Variants in MED27 observed in about 807,000 individuals in gnomAD.
MED27 encodes the protein mediator complex subunit 27, also known as mediator of RNA polymerase II transcription subunit 27.
In MED27, 30 loss-of-function variants were observed where a neutral mutation model predicts 38.2. The observed-to-expected ratio is 0.79, with a 90% CI of 0.59 to 1.07. MED27 has a LOEUF of 1.07. Among genes scored for constraint, MED27 ranks in the 50% least tolerant of loss-of-function variants. The pLI, the probability that MED27 is intolerant of heterozygous loss-of-function variation, is 0.00. For missense variants in MED27, 289 were observed against 397.5 expected (o/e 0.73, Z 2.32); for synonymous variants, 122 against 153.5 (o/e 0.79, Z 1.52).
chr9:132,002,807 C>T (rs1328204297), intron 3 of MED27, among the ~76,000 whole-genome samples: 1 of 151,098 alleles, frequency 6.6e-6, no homozygotes, highest in Non-Finnish European at 1.5e-5. Context: ...CCCAGCTACT[C>T]CAGAGGGTGA....
intron 2 of MED27, among the ~76,000 whole-genome samples, chr9:132,070,056 T>C (rs1833902059): frequency 6.6e-6 from 1 of 152,238 alleles, no homozygotes; most frequent in South Asian, 2.1e-4. Flanking sequence ...TGGAAGCTAC[T>C]GTTATCCACA....
intron 2 of MED27, among the ~76,000 whole-genome samples, chr9:132,053,414 G>C (rs77532946): frequency 1.3e-5 from 2 of 152,110 alleles, no homozygotes; most frequent in South Asian, 4.2e-4. Context: ...GGGAGAAAGA[G>C]ATTTGGGTAC....
intron 4 of MED27, among the ~76,000 whole-genome samples, chr9:131,908,350 C>T (rs915266315): frequency 2.3e-4 from 35 of 152,320 alleles, no homozygotes; most frequent in African/African-American, 8.2e-4. Flanking sequence ...GCCCCTCTGC[C>T]CGGCCACCAC....
At chr9:132,071,745 T>C (rs1166238181) in intron 2 of MED27, among the ~76,000 whole-genome samples, 2 of 150,978 alleles carry the variant, frequency 1.3e-5, no homozygotes, top group Admixed American at 6.6e-5. Flanking sequence ...TGCACGTCCA[T>C]GAACGAGCAC....
chr9:131,936,452 G>A (rs1489087140), intron 4 of MED27, among the ~76,000 whole-genome samples: 1 of 152,208 alleles, frequency 6.6e-6, no homozygotes, highest in Non-Finnish European at 1.5e-5. Flanking sequence ...CAGACGGCTG[G>A]TTCCTCTAGG....
At chr9:131,941,612 A>G (rs1665043661) in intron 3 of MED27, among the ~76,000 whole-genome samples, 1 of 152,072 alleles carries the variant, frequency 6.6e-6, no homozygotes, top group South Asian at 2.1e-4. Context: ...GTGGAGGTGC[A>G]CTGAAGGGTA....
At chr9:131,954,012 C>T (rs1831047653) in intron 3 of MED27, among the ~76,000 whole-genome samples, 1 of 152,110 alleles carries the variant, frequency 6.6e-6, no homozygotes, top group African/African-American at 2.4e-5. Context: ...CCATGTTGGC[C>T]AGGCTGGTCT....
intron 3 of MED27, among the ~76,000 whole-genome samples, chr9:131,993,085 T>G (rs955931629): frequency 3.9e-5 from 6 of 152,224 alleles, no homozygotes; most frequent in African/African-American, 1.2e-4. Flanking sequence ...GCATCTTTAT[T>G]TTCATATGCA....
chr9:132,031,669 TC>T (rs1372743664), intron 2 of MED27, among the ~76,000 whole-genome samples: 4 of 152,138 alleles, frequency 2.6e-5, no homozygotes, highest in Admixed American at 6.6e-5. Flanking sequence ...AGGAGTTGCC[TC>T]TGAGGAGTGG....
intron 3 of MED27, among the ~76,000 whole-genome samples, chr9:131,966,602 G>T (rs1438314554): frequency 6.6e-6 from 1 of 151,988 alleles, no homozygotes; most frequent in Non-Finnish European, 1.5e-5. Context: ...TACTCTTCTA[G>T]TATCACTTTT....
chr9:131,878,799 G>C (rs1838983347), intron 6 of MED27, among the ~76,000 whole-genome samples: 1 of 152,158 alleles, frequency 6.6e-6, no homozygotes, highest in Non-Finnish European at 1.5e-5. Context: ...GGCTCTTTGT[G>C]ATTCTGCCCT....
chr9:132,023,732 G>A (rs1333871508), intron 2 of MED27, among the ~76,000 whole-genome samples: 3 of 152,060 alleles, frequency 2.0e-5, no homozygotes, highest in African/African-American at 4.8e-5. Context: ...AAACTCACAC[G>A]GAAGGAGACA....
chr9:131,991,882 C>T (rs945434262), intron 3 of MED27, among the ~76,000 whole-genome samples: 14 of 152,116 alleles, frequency 9.2e-5, no homozygotes, highest in Non-Finnish European at 1.9e-4. Context: ...CCACCATGCC[C>T]GGCTAAGTTT....
intron 1 of MED27, among the ~76,000 whole-genome samples, chr9:132,078,768 C>G (rs574740491): frequency 6.6e-6 from 1 of 152,224 alleles, no homozygotes; most frequent in Admixed American, 6.5e-5. Flanking sequence ...AAGTAAAAGG[C>G]AAAAATCCTG....
intron 3 of MED27, among the ~76,000 whole-genome samples, chr9:131,981,271 T>C (rs1248807349): frequency 6.6e-6 from 1 of 152,240 alleles, no homozygotes; most frequent in Non-Finnish European, 1.5e-5. Flanking sequence ...CTTGGCTAAA[T>C]TACAATAAAT....
intron 4 of MED27, among the ~76,000 whole-genome samples, chr9:131,896,033 G>A (rs566371678): frequency 6.6e-6 from 1 of 152,160 alleles, no homozygotes; most frequent in South Asian, 2.1e-4. Context: ...CGAGTAGCTG[G>A]GACTATAGGT....
intron 4 of MED27, among the ~76,000 whole-genome samples, chr9:131,915,610 A>G (rs1285225592): frequency 6.6e-6 from 1 of 152,254 alleles, no homozygotes; most frequent in African/African-American, 2.4e-5. Context: ...GTGGTAATTA[A>G]GTGCATGAAC....
At chr9:131,890,913 T>TA (rs1313554204) in intron 5 of MED27, among the ~76,000 whole-genome samples, 2 of 152,242 alleles carry the variant, frequency 1.3e-5, no homozygotes, top group Non-Finnish European at 2.9e-5. Flanking sequence ...CAACGTATGT[T>TA]AGTATTGTTA....
At chr9:132,001,574 C>A (rs1462905001) in intron 3 of MED27, among the ~76,000 whole-genome samples, 1 of 152,180 alleles carries the variant, frequency 6.6e-6, no homozygotes, top group Non-Finnish European at 1.5e-5. Flanking sequence ...ACCAGCCTAT[C>A]CTTTTCTGTG....
Sources: gnomAD v4.1 joint callset for allele counts (sites outside exome capture counted in the v4.1 genomes callset) on GRCh38, gnomAD v4.1.1 for gene constraint, MANE v1.5 for transcripts, NCBI Gene and HGNC (gene_info 2026-07-23, HGNC 2026-07-21) for gene names.